PTPRM: variants seen among roughly 807,000 people sequenced by gnomAD.
The protein encoded by PTPRM is receptor-type tyrosine-protein phosphatase mu.
A neutral mutation model predicts 186.7 loss-of-function variants in PTPRM; 47 were observed. That is an observed-to-expected ratio of 0.25 (90% confidence interval 0.20 to 0.32). The LOEUF (loss-of-function observed/expected upper bound fraction) is 0.32, where lower values mean the gene tolerates loss of function less well. Among genes scored for constraint, PTPRM ranks in the 10% least tolerant of loss-of-function variants. The pLI, the probability that PTPRM is intolerant of heterozygous loss-of-function variation, is 1.00. For synonymous variants in PTPRM, 668 were observed against 674.9 expected, an observed-to-expected ratio of 0.99 and a Z score of 0.16; for missense variants, 1,494 against 1,865.0, an observed-to-expected ratio of 0.80 and a Z score of 3.66.
At chr18:7,891,393 C>T (rs1181817290) in intron 3 of PTPRM, among the ~76,000 whole-genome samples, 3 of 151,830 alleles carry the variant, frequency 2.0e-5, no homozygotes, top group African/African-American at 7.3e-5. Flanking sequence ...CAGTTTTCCC[C>T]AACGTACATG....
rs1183636505 is a variant in PTPRM at position 7,960,462 on chromosome 18, T to C, written c.1132+5048T>C. Among the ~76,000 whole-genome samples the C allele has an allele frequency of 7.6e-4, 57 of 74,714 alleles. 1 individual carries two copies. The highest frequency in any genetic ancestry group is 3.2e-3 in the African/African-American group (54 of 16,980). 49.0% of individuals were successfully genotyped at this position (74,714 alleles called of 152,430 possible). A position where few individuals can be genotyped will look rare whatever the true frequency, so the allele number is the denominator to read the frequency against. On this transcript the variant is annotated intron_variant, in intron 7 of 32. Coordinates refer to ENST00000580170, the MANE Select transcript of PTPRM (RefSeq NM_001105244.2). ...AGTATATAGGCAACATATATATATATATATATATATATATATATACACACA... is the reference window on the plus strand; with the variant it reads ...AGTATATAGGCAACATATATATATACATATATATATATATATATACACACA...
chr18:8,000,844 G>A (rs1318692974), intron 7 of PTPRM, among the ~76,000 whole-genome samples: 1 of 152,174 alleles, frequency 6.6e-6, no homozygotes, highest in Non-Finnish European at 1.5e-5. Flanking sequence ...AATTGCCAAC[G>A]TTTATGTGCT....
chr18:8,239,084 T>C (rs978918466), intron 14 of PTPRM, among the ~76,000 whole-genome samples: 25 of 150,318 alleles, frequency 1.7e-4, no homozygotes, highest in South Asian at 4.3e-4. Context: ...CATGCTGGTG[T>C]GCTGCACCCA....
intron 5 of PTPRM, among the ~76,000 whole-genome samples, chr18:7,939,769 C>G (rs1809369007): frequency 6.6e-6 from 1 of 152,142 alleles, no homozygotes; most frequent in South Asian, 2.1e-4. Context: ...CCAGTGAACT[C>G]TCATATGGTA....
intron 19 of PTPRM, among the ~76,000 whole-genome samples, chr18:8,257,614 T>G (rs950862024): frequency 6.6e-6 from 1 of 152,232 alleles, no homozygotes; most frequent in African/African-American, 2.4e-5. Context: ...ATGCTTGGCT[T>G]CAAGACTTGT....
intron 14 of PTPRM, among the ~76,000 whole-genome samples, chr18:8,182,711 T>C (rs1450869525): frequency 6.6e-6 from 1 of 152,244 alleles, no homozygotes; most frequent in Non-Finnish European, 1.5e-5. Context: ...AAAATCACTA[T>C]GATTAAATTA....
chr18:8,359,351 C>G (rs551364495), intron 23 of PTPRM, among the ~76,000 whole-genome samples: 1 of 152,374 alleles, frequency 6.6e-6, no homozygotes, highest in South Asian at 2.1e-4. Flanking sequence ...TTCACATTGT[C>G]TAGCTGAGCC....
At chr18:8,290,002 T>C (rs2147831205) in intron 19 of PTPRM, among the ~76,000 whole-genome samples, 2 of 152,332 alleles carry the variant, frequency 1.3e-5, no homozygotes, top group South Asian at 4.1e-4. Flanking sequence ...CCAGTGACCA[T>C]TGCCATCACT....
At chr18:8,280,216 G>A (rs548818654) in intron 19 of PTPRM, among the ~76,000 whole-genome samples, 5 of 152,172 alleles carry the variant, frequency 3.3e-5, no homozygotes, top group South Asian at 2.1e-4. Flanking sequence ...AGTTCTGCAC[G>A]CATGCCCCAG....
At chr18:8,061,512 G>T in intron 7 of PTPRM, among the ~76,000 whole-genome samples, 1 of 94,356 alleles carries the variant, frequency 1.1e-5, no homozygotes, top group African/African-American at 4.7e-5. Context: ...GATGTTAGCT[G>T]GTTATTTTGC....
chr18:8,267,094 G>A (rs79219873), intron 19 of PTPRM, among the ~76,000 whole-genome samples: 2,368 of 152,038 alleles, frequency 0.016, 57 homozygotes, highest in African/African-American at 0.054. Flanking sequence ...TTATAAATAC[G>A]CAGCGTATGT....
chr18:8,236,230 C>T lies in PTPRM; in HGVS notation c.2301-7828C>T, dbSNP rs1277856682. ...CTCCTTGCAATTCTATCACCTTTTGCCTCATATATTTTGACACTATGGTAT... is the reference window on the plus strand; with the variant it reads ...CTCCTTGCAATTCTATCACCTTTTGTCTCATATATTTTGACACTATGGTAT... On this transcript the variant is annotated intron_variant, in intron 14 of 32. Coordinates refer to ENST00000580170, the MANE Select transcript of PTPRM (RefSeq NM_001105244.2). Among the ~76,000 whole-genome samples the T allele has an allele frequency of 2.0e-5, 3 of 152,134 alleles. No individual in the cohort carries two copies. The East Asian group carries it at 5.8e-4, about 29-fold the overall frequency.
intron 14 of PTPRM, among the ~76,000 whole-genome samples, chr18:8,187,398 C>A (rs1156957384): frequency 6.6e-6 from 1 of 152,148 alleles, no homozygotes. Context: ...AGAGCAGCCA[C>A]TGGTAGAGCG....
At position 8,085,982 on chromosome 18, in the gene PTPRM, G is replaced by T. The variant is rs1488522689; in HGVS notation, c.1753+110G>T. The T allele has an allele frequency of 1.7e-5, 17 of 1,021,094 alleles. No homozygotes were observed. The East Asian group carries it at 4.2e-4, about 25-fold the overall frequency. 63.3% of individuals were successfully genotyped at this position (1,021,094 alleles called of 1,614,324 possible). ...GCCCACACTAACATTGTATCCAAAG[G>T]AATACTCCTGGATGCCTGAAGCTCA... On this transcript the variant is annotated intron_variant, in intron 10 of 32. Coordinates refer to ENST00000580170, the MANE Select transcript of PTPRM (RefSeq NM_001105244.2).
chr18:7,696,715 A>G (rs891808300), intron 1 of PTPRM, among the ~76,000 whole-genome samples: 18 of 152,240 alleles, frequency 1.2e-4, no homozygotes, highest in Admixed American at 8.5e-4. Context: ...CATGTCTTCC[A>G]CGGTGTCCCG....
chr18:8,370,791 G>A (rs1568847613), intron 23 of PTPRM, 99 bp from the exon 24 acceptor site: 2 of 639,360 alleles, frequency 3.1e-6, no homozygotes, highest in East Asian at 5.6e-5. Context: ...TAACTTTTGT[G>A]TGCAAATTTT....
chr18:8,159,402 A>G (rs1323721311), intron 14 of PTPRM, among the ~76,000 whole-genome samples: 1 of 152,166 alleles, frequency 6.6e-6, no homozygotes, highest in Non-Finnish European at 1.5e-5. Flanking sequence ...AACTGTTTTT[A>G]TGAGTTTTAC....
chr18:7,773,145 C>T (rs773094106), intron 1 of PTPRM, among the ~76,000 whole-genome samples: 12 of 151,842 alleles, frequency 7.9e-5, no homozygotes, highest in Non-Finnish European at 1.3e-4. Context: ...TTTCTAGTAC[C>T]AGAATTCAGC....
chr18:7,904,993 A>AT (rs962230740), intron 3 of PTPRM, among the ~76,000 whole-genome samples: 261 of 150,166 alleles, frequency 1.7e-3, no homozygotes, highest in African/African-American at 5.6e-3. Flanking sequence ...CCTTTTTTTT[A>AT]TTTTTTTTTA....
Sources: gnomAD v4.1 joint callset for allele counts (sites outside exome capture counted in the v4.1 genomes callset) on GRCh38, gnomAD v4.1.1 for gene constraint, MANE v1.5 for transcripts, NCBI Gene and HGNC (gene_info 2026-07-23, HGNC 2026-07-21) for gene names.